EPB41L4A: variants seen among roughly 807,000 people sequenced by gnomAD.
EPB41L4A encodes the protein band 4.1-like protein 4A.
A neutral mutation model predicts 108.6 loss-of-function variants in EPB41L4A; 100 were observed. That is an observed-to-expected ratio of 0.92 (90% confidence interval 0.78 to 1.09). EPB41L4A has a LOEUF of 1.09. EPB41L4A is among the 50% of genes least tolerant of loss of function. The pLI is 0.00. For synonymous variants in EPB41L4A, 319 were observed against 289.0 expected, an observed-to-expected ratio of 1.10 and a Z score of -1.05; for missense variants, 1,030 against 842.7, an observed-to-expected ratio of 1.22 and a Z score of -2.75.
rs1752882834 is a variant in EPB41L4A, at chr5:112,280,282, T to C, written c.246A>G (p.Glu82=). 2 of 1,613,886 alleles carry C rather than the reference T, an allele frequency of 1.2e-6. No individual in the cohort carries two copies. Among genetic ancestry groups the C allele is most frequent in the Admixed American group, 1.7e-5 (1 of 60,002 alleles). Reference sequence around the variant, plus strand: ...AAGCTAAATACCTACTGTTGATCAGTTCTTTGTGTTCAGCAAGGGTTTTTG... The same window carrying C: ...AAGCTAAATACCTACTGTTGATCAGCTCTTTGTGTTCAGCAAGGGTTTTTG... ...DPAKTLAEHK[E]LINTGPPYTL... Residue 82 remains glutamate (E), a synonymous_variant, in exon 3 of 23, where the codon GAA becomes GAG. Coordinates refer to ENST00000261486, the MANE Select transcript of EPB41L4A (RefSeq NM_022140.5).
intron 1 of EPB41L4A, among the ~76,000 whole-genome samples, chr5:112,346,513 C>T (rs1580729675): frequency 6.6e-6 from 1 of 152,016 alleles, no homozygotes; most frequent in South Asian, 2.1e-4. Flanking sequence ...TGAGCCACTG[C>T]GCCCAGCCTG....
chr5:112,281,150 T>C (rs1752938433), intron 2 of EPB41L4A, among the ~76,000 whole-genome samples: 1 of 152,160 alleles, frequency 6.6e-6, no homozygotes. Flanking sequence ...CCAGGTAAAG[T>C]CTTTAGAATA....
At chr5:112,297,914 T>C (rs1443593656) in intron 2 of EPB41L4A, among the ~76,000 whole-genome samples, 1 of 152,138 alleles carries the variant, frequency 6.6e-6, no homozygotes, top group African/African-American at 2.4e-5. Context: ...TTTTGTTTGC[T>C]TTGTCGATGG....
chr5:112,277,034 C>G (rs1752665169), intron 3 of EPB41L4A, among the ~76,000 whole-genome samples: 1 of 152,160 alleles, frequency 6.6e-6, no homozygotes, highest in African/African-American at 2.4e-5. Context: ...GACAAATACA[C>G]CTCTATCCCT....
At chr5:112,216,121 T>A (rs1185111825) in intron 12 of EPB41L4A, among the ~76,000 whole-genome samples, 1 of 152,222 alleles carries the variant, frequency 6.6e-6, no homozygotes, top group East Asian at 1.9e-4. Flanking sequence ...TCTTAAGTGA[T>A]CCTTGCCTTC....
intron 17 of EPB41L4A, among the ~76,000 whole-genome samples, chr5:112,190,612 G>A (rs1166406955): frequency 2.0e-5 from 3 of 152,206 alleles, no homozygotes; most frequent in Non-Finnish European, 2.9e-5. Flanking sequence ...ATAGGACTAC[G>A]TGGCTCTGTA....
At chr5:112,295,239 G>A (rs996513758) in intron 2 of EPB41L4A, among the ~76,000 whole-genome samples, 5 of 152,178 alleles carry the variant, frequency 3.3e-5, no homozygotes, top group African/African-American at 1.2e-4. Flanking sequence ...GCTATGAGGA[G>A]AGGTGAGATG....
intron 12 of EPB41L4A, 74 bp downstream of exon 12, chr5:112,234,560 C>T: frequency 2.8e-6 from 4 of 1,446,796 alleles, no homozygotes; most frequent in South Asian, 1.4e-5. Flanking sequence ...ATAGACATCA[C>T]CTGAGTATAT....
At chr5:112,305,347 C>T (rs572709334) in intron 2 of EPB41L4A, among the ~76,000 whole-genome samples, 2 of 152,100 alleles carry the variant, frequency 1.3e-5, no homozygotes, top group South Asian at 4.1e-4. Flanking sequence ...TCTAGGTTCT[C>T]CTGGTCCTCC....
At chr5:112,316,445 G>A (rs756690045) in intron 1 of EPB41L4A, among the ~76,000 whole-genome samples, 6 of 152,010 alleles carry the variant, frequency 3.9e-5, no homozygotes, top group Non-Finnish European at 7.4e-5. Flanking sequence ...CAAAGTGGGC[G>A]CACGGAGGAG....
At position 112,194,618 on chromosome 5, in the gene EPB41L4A, A is replaced by G; in HGVS notation, c.1452T>C (p.Ser484=). The part of the protein sequence containing the change: ...RRSRSRCNTS[S]GSESENSNRE... ...TATTAGAATTTTCTGATTCACTACC[A>G]CTGCTGGTGTTACAGCGTGAACGTG... The change falls in exon 17 of 23, where the codon AGT becomes AGC. Residue 484 remains serine (S), a synonymous_variant. Coordinates refer to ENST00000261486, the MANE Select transcript of EPB41L4A (RefSeq NM_022140.5). 6.2e-7 allele frequency: 1 copy of G among 1,607,234 alleles called. No homozygotes were observed. Among genetic ancestry groups the G allele is most frequent in the Non-Finnish European group, 8.5e-7 (1 of 1,176,790 alleles).
chr5:112,214,182 A>G lies in EPB41L4A; in HGVS notation c.1088-4200T>C, dbSNP rs573217423. Among the ~76,000 whole-genome samples the G allele has an allele frequency of 2.6e-5, 4 of 152,338 alleles. No homozygotes were observed. In the South Asian group the frequency reaches 8.3e-4, roughly 32 times the overall value. ...TCGGGCTACAGAGAAAAGTGACCTG[A>G]CAAATCCATCCCACTAATGGGCTTA... On this transcript the variant is annotated intron_variant, in intron 12 of 22. Coordinates refer to ENST00000261486, the MANE Select transcript of EPB41L4A (RefSeq NM_022140.5).
intron 1 of EPB41L4A, among the ~76,000 whole-genome samples, chr5:112,332,984 G>C (rs902779955): frequency 6.6e-6 from 1 of 152,230 alleles, no homozygotes; most frequent in African/African-American, 2.4e-5. Context: ...ATGGAAAGAA[G>C]AGAGAAATGG....
At chr5:112,350,286 G>A (rs928224564) in intron 1 of EPB41L4A, among the ~76,000 whole-genome samples, 4 of 152,116 alleles carry the variant, frequency 2.6e-5, no homozygotes, top group African/African-American at 9.7e-5. Context: ...ATACAGCTAA[G>A]GTCTCACTCC....
intron 1 of EPB41L4A, among the ~76,000 whole-genome samples, chr5:112,392,164 G>T (rs762547214): frequency 1.3e-5 from 2 of 151,938 alleles, no homozygotes; most frequent in South Asian, 4.2e-4. Context: ...AAACTGCATC[G>T]ACTAATGGGA....
At chr5:112,179,987 T>C (rs1761063439) in intron 18 of EPB41L4A, among the ~76,000 whole-genome samples, 1 of 152,154 alleles carries the variant, frequency 6.6e-6, no homozygotes, top group Admixed American at 6.5e-5. Context: ...GGATGTAGCA[T>C]CAGTATTTTT....
chr5:112,143,519 G>T (rs1255060813), exon 14 of EPB41L4A: 1 of 154,256 alleles, frequency 6.5e-6, no homozygotes, highest in African/African-American at 2.4e-5. Context: ...ATTTTAAAAG[G>T]AGTGGTTCAT....
At chr5:112,332,532 T>A (rs1399000317) in intron 1 of EPB41L4A, among the ~76,000 whole-genome samples, 1 of 152,224 alleles carries the variant, frequency 6.6e-6, no homozygotes, top group Non-Finnish European at 1.5e-5. Context: ...TGCTCCTGAA[T>A]GACACCCCAG....
intron 12 of EPB41L4A, among the ~76,000 whole-genome samples, chr5:112,225,761 T>C (rs767642486): frequency 5.9e-5 from 9 of 152,234 alleles, no homozygotes; most frequent in Non-Finnish European, 1.3e-4. Context: ...ACCATTTATA[T>C]ACCATATCCT....
Sources: allele counts gnomAD v4.1 joint callset (sites outside exome capture counted in the v4.1 genomes callset), GRCh38; gene constraint gnomAD v4.1.1; transcripts MANE v1.5; gene names NCBI Gene and HGNC (gene_info 2026-07-23, HGNC 2026-07-21).